Variants in POLE2 observed in about 807,000 individuals in gnomAD.
POLE2 encodes the protein DNA polymerase epsilon 2, accessory subunit.
In POLE2, 56 loss-of-function variants were observed where a neutral mutation model predicts 79.4. The observed-to-expected ratio is 0.71, with a 90% CI of 0.57 to 0.88. The LOEUF is 0.88. Among genes scored for constraint, POLE2 ranks in the 40% least tolerant of loss-of-function variants. The probability of loss-of-function intolerance (pLI) is 0.00; values close to 1 mark genes in which losing one functional copy is unlikely to be tolerated. For missense variants in POLE2, 598 were observed against 638.9 expected, an observed-to-expected ratio of 0.94 and a Z score of 0.69; for synonymous variants, 212 against 214.0, an observed-to-expected ratio of 0.99 and a Z score of 0.08.
chr14:49,655,574 A>T (rs1884600211), intron 11 of POLE2, 97 bp downstream of exon 11: 24 of 805,564 alleles, frequency 3.0e-5, no homozygotes, highest in South Asian at 5.1e-5. Flanking sequence ...GTTTTTTTTT[A>T]AATAGAATAC....
intron 10 of POLE2, among the ~76,000 whole-genome samples, chr14:49,658,292 G>T (rs1415018231): frequency 6.6e-6 from 1 of 152,076 alleles, no homozygotes; most frequent in Non-Finnish European, 1.5e-5. Context: ...TAGCCAGGAT[G>T]GTCTCGATCT....
intron 5 of POLE2, among the ~76,000 whole-genome samples, chr14:49,670,868 C>G (rs565063542): frequency 6.6e-4 from 101 of 152,336 alleles, no homozygotes; most frequent in South Asian, 5.0e-3. Context: ...CTTCATAATA[C>G]AAGCTAAGCC....
chr14:49,651,682 ATAAT>A (rs1257878152), intron 15 of POLE2, among the ~76,000 whole-genome samples: 3 of 152,194 alleles, frequency 2.0e-5, no homozygotes, highest in East Asian at 1.9e-4. Flanking sequence ...ATGTTTTAAG[ATAAT>A]TAAGCATAAG....
At chr14:49,682,736 A>T (rs1216041070) in intron 2 of POLE2, among the ~76,000 whole-genome samples, 4 of 150,654 alleles carry the variant, frequency 2.7e-5, no homozygotes, top group African/African-American at 9.8e-5. Context: ...TTATCAGTGC[A>T]TTAGTAGAAT....
rs36046648 is a variant in POLE2 at position 49,656,354 on chromosome 14, C to CAA, written c.756-513_756-512dup. Among the ~76,000 whole-genome samples, 31 of 93,960 alleles carry CAA rather than the reference C, an allele frequency of 3.3e-4. No homozygotes were observed. In the East Asian group the frequency reaches 7.2e-3, roughly 22 times the overall value. The allele number at this position is 93,960 out of a possible 152,430, so 61.6% of individuals were successfully genotyped here. The stretch of plus-strand genomic sequence containing the variant: ...CTGGGCGACAGTGAGACTCTTGTCT[C>CAA]AAAAAAAAAAAAAAAAAACTGACTA... On this transcript the variant is annotated intron_variant, in intron 10 of 18. Coordinates refer to ENST00000216367, the MANE Select transcript of POLE2 (RefSeq NM_002692.4).
intron 1 of POLE2, among the ~76,000 whole-genome samples, chr14:49,685,844 G>A (rs1887096325): frequency 6.6e-6 from 1 of 151,846 alleles, no homozygotes; most frequent in Non-Finnish European, 1.5e-5. Flanking sequence ...GGTCAGGCCG[G>A]TCTCGAATTC....
At chr14:49,648,122 C>T (rs4898627) in intron 17 of POLE2, among the ~76,000 whole-genome samples, 1 of 152,096 alleles carries the variant, frequency 6.6e-6, no homozygotes, top group African/African-American at 2.4e-5. Context: ...TCCTATGTGC[C>T]TGTAAAGCAA....
At chr14:49,653,893 G>A (rs904537112) in intron 15 of POLE2, 97 bp downstream of exon 15, 15 of 669,324 alleles carry the variant, frequency 2.2e-5, no homozygotes, top group Middle Eastern at 4.1e-4. Context: ...TGCCTGCCTC[G>A]GCCTCCCAAA....
intron 6 of POLE2, 151 bp downstream of exon 6, chr14:49,669,373 G>T: frequency 1.7e-6 from 1 of 574,280 alleles, no homozygotes. Flanking sequence ...TCTAGGAATG[G>T]ACTGTATCAA....
At chr14:49,683,410 A>C (rs752515307) in intron 2 of POLE2, among the ~76,000 whole-genome samples, 183 bp downstream of exon 2, 1 of 152,142 alleles carries the variant, frequency 6.6e-6, no homozygotes, top group Non-Finnish European at 1.5e-5. Context: ...CCAAAAAAGA[A>C]AGAAAAAAAA....
At chr14:49,647,415 A>AT (rs1387323059) in intron 17 of POLE2, 55 bp from the exon 18 acceptor site, 1 of 759,634 alleles carries the variant, frequency 1.3e-6, no homozygotes, top group African/African-American at 1.8e-5. Context: ...TTTAAAATAA[A>AT]TTTTTTTAAA....
chr14:49,649,543 T>C (rs1884052266), intron 17 of POLE2, among the ~76,000 whole-genome samples: 1 of 148,456 alleles, frequency 6.7e-6, no homozygotes. Flanking sequence ...TCTGCCTCCC[T>C]GGTTCAAGCA....
At chr14:49,646,874 C>G (rs1413374117) in intron 18 of POLE2, 1 of 154,220 alleles carries the variant, frequency 6.5e-6, no homozygotes, top group Non-Finnish European at 1.4e-5. Flanking sequence ...TTATTTTCTT[C>G]TTTCTCAAGA....
intron 2 of POLE2, chr14:49,681,756 C>T (rs969253929): frequency 6.6e-6 from 1 of 150,470 alleles, no homozygotes; most frequent in African/African-American, 2.5e-5. Flanking sequence ...CGAGATGGCG[C>T]CATTGCAGTG....
chr14:49,684,851 C>T (rs1394829052), intron 1 of POLE2, among the ~76,000 whole-genome samples: 1 of 151,884 alleles, frequency 6.6e-6, no homozygotes, highest in Non-Finnish European at 1.5e-5. Context: ...GTGGCGGGCG[C>T]CGGTAGTCCC....
At chr14:49,660,799 G>C (rs967883459) in intron 10 of POLE2, among the ~76,000 whole-genome samples, 3 of 152,226 alleles carry the variant, frequency 2.0e-5, no homozygotes, top group African/African-American at 7.2e-5. Flanking sequence ...GCTAAGGCAG[G>C]AGAATCACTT....
At chr14:49,687,101 T>C (rs781522555) in intron 1 of POLE2, among the ~76,000 whole-genome samples, 3 of 151,802 alleles carry the variant, frequency 2.0e-5, no homozygotes, top group Non-Finnish European at 2.9e-5. Context: ...CTGGGCAACA[T>C]AGCCAGACCC....
intron 9 of POLE2, among the ~76,000 whole-genome samples, chr14:49,663,800 G>C (rs1211452705): frequency 6.6e-6 from 1 of 151,890 alleles, no homozygotes; most frequent in Admixed American, 6.6e-5. Flanking sequence ...AGGCTGAGGC[G>C]GGCGGATCAC....
intron 2 of POLE2, among the ~76,000 whole-genome samples, chr14:49,682,139 G>A (rs1262200038): frequency 6.6e-6 from 1 of 150,996 alleles, no homozygotes; most frequent in Non-Finnish European, 1.5e-5. Flanking sequence ...CAAGGAGCTG[G>A]GATTACAGGC....
Sources: allele counts gnomAD v4.1 joint callset (sites outside exome capture counted in the v4.1 genomes callset), GRCh38; gene constraint gnomAD v4.1.1; transcripts MANE v1.5; gene names NCBI Gene and HGNC (gene_info 2026-07-23, HGNC 2026-07-21).